Variants in MMP17 observed in about 807,000 individuals in gnomAD.
MMP17 encodes the protein matrix metalloproteinase-17.
Under a neutral mutation model 49.1 loss-of-function variants are expected in MMP17, and 54 were observed. That is an observed-to-expected ratio of 1.10 (90% CI 0.88 to 1.38). The LOEUF is 1.38. MMP17 is among the 40% of genes most tolerant of loss of function. MMP17 has a pLI of 0.00. For synonymous variants in MMP17, 397 were observed against 383.1 expected (o/e 1.04, Z -0.42); for missense variants, 837 against 853.7 (o/e 0.98, Z 0.24).
intron 1 of MMP17, 36 bp from the exon 2 acceptor site, chr12:131,838,159 T>G (rs1429292575): frequency 4.4e-6 from 7 of 1,576,032 alleles, no homozygotes; most frequent in Non-Finnish European, 2.6e-6. Context: ...GACCGGGCCC[T>G]CTGTTGCACC....
Position 131,840,633 on chromosome 12 carries a change from C to G in MMP17, c.483C>G (p.Tyr161Ter). ...ACGACACGGTGCGTGCACTCATGTACTACGCCCTCAAGGTCTGGAGCGACA... is the reference window on the plus strand; with the variant it reads ...ACGACACGGTGCGTGCACTCATGTAGTACGCCCTCAAGGTCTGGAGCGACA... The part of the protein sequence containing the change: ...LGHDTVRALM[Y>*]YALKVWSDIA... The change falls in exon 4 of 10, where the codon TAC becomes TAG. Residue 161 changes from tyrosine to a stop codon, truncating the protein, a stop_gained. Coordinates refer to ENST00000360564, the MANE Select transcript of MMP17 (RefSeq NM_016155.7). LOFTEE classifies it high-confidence loss of function. The G allele has an allele frequency of 6.2e-7, 1 of 1,609,412 alleles. No homozygotes were observed. Among genetic ancestry groups the G allele is most frequent in the Non-Finnish European group, 8.5e-7 (1 of 1,179,914 alleles).
chr12:131,842,751 T>C (rs1205845855), intron 5 of MMP17, among the ~76,000 whole-genome samples: 1 of 150,708 alleles, frequency 6.6e-6, no homozygotes, highest in African/African-American at 2.4e-5. Context: ...CCAGCCTGGG[T>C]GGCAGAGTGA....
At position 131,851,279 on chromosome 12, in the gene MMP17, C is replaced by G; in HGVS notation, c.*5C>G. On this transcript the variant is annotated 3_prime_UTR_variant, in exon 10 of 10. Transcript: ENST00000360564. ...GCCCAGGCCCTGACGCTATGACACA[C>G]AGCGCGAGCCCATGAGAGGACAGAG... 1 of 1,400,782 alleles carries G rather than the reference C, an allele frequency of 7.1e-7. No homozygotes were observed. The highest frequency in any genetic ancestry group is 9.3e-7 in the Non-Finnish European group (1 of 1,073,520). The allele number at this position is 1,400,782 out of a possible 1,614,324, so 86.8% of individuals were successfully genotyped here.
chr12:131,843,256 G>A (rs760740592), intron 5 of MMP17, among the ~76,000 whole-genome samples: 8 of 145,844 alleles, frequency 5.5e-5, no homozygotes, highest in East Asian at 4.1e-4. Context: ...GTGAGCCACC[G>A]CACCTGGCCT....
At position 131,846,589 on chromosome 12, in the gene MMP17, G is replaced by C. The variant is rs1887714359; in HGVS notation, c.1204+1140G>C. 6.6e-6 allele frequency among the ~76,000 whole-genome samples: 1 copy of C among 151,976 alleles called. No homozygotes were observed. Among genetic ancestry groups the C allele is most frequent in the African/African-American group, 2.4e-5 (1 of 41,360 alleles). ...AGGGTTTCACCACGTTGGCCAGGCT[G>C]GTCTCGAACTCCTGACTTCAGGTGA... On this transcript the variant is annotated intron_variant, in intron 8 of 9. Coordinates refer to ENST00000360564, the MANE Select transcript of MMP17 (RefSeq NM_016155.7). This position sits in a 1 kb window ranked among gnomAD's most constrained non-coding sequence, Gnocchi z 4.6.
chr12:131,838,900 G>A (rs955185276), intron 3 of MMP17, among the ~76,000 whole-genome samples, 159 bp downstream of exon 3: 1 of 150,642 alleles, frequency 6.6e-6, no homozygotes, highest in African/African-American at 2.4e-5. Context: ...CAGGGTCTCC[G>A]TGGAGGTGGG....
At chr12:131,849,313 G>A (rs996265905) in intron 8 of MMP17, among the ~76,000 whole-genome samples, 5 of 152,180 alleles carry the variant, frequency 3.3e-5, no homozygotes, top group East Asian at 1.9e-4. Context: ...GTGAAACCCC[G>A]TCTCTACTAA....
chr12:131,845,995 C>A (rs746530173), intron 8 of MMP17, among the ~76,000 whole-genome samples: 2 of 152,180 alleles, frequency 1.3e-5, no homozygotes, highest in African/African-American at 2.4e-5. Context: ...CGGTGCCCAC[C>A]GTTCCAGGAA....
At chr12:131,837,872 G>A (rs923081297) in intron 1 of MMP17, among the ~76,000 whole-genome samples, 7 of 152,074 alleles carry the variant, frequency 4.6e-5, no homozygotes, top group Non-Finnish European at 8.8e-5. Flanking sequence ...CACCACACCC[G>A]GCTAATTTTT....
rs771518121 is a variant in MMP17 at position 131,845,176 on chromosome 12, C to G, written c.1027C>G (p.Arg343Gly). The G allele has an allele frequency of 6.2e-7, 1 of 1,613,928 alleles. No individual in the cohort carries two copies. The highest frequency in any genetic ancestry group is 2.2e-5 in the East Asian group (1 of 44,870). The change falls in exon 7 of 10, where the codon CGG (arginine) becomes GGG (glycine). Residue 343 changes from arginine to glycine, a missense_variant. Physicochemically the swap from Arg to Gly is moderately radical, Grantham distance 125. Coordinates refer to ENST00000360564, the MANE Select transcript of MMP17 (RefSeq NM_016155.7). ...TCACTTTGACGCGGTGGCCCAGATC[C>G]GGGGTGAAGCTTTCTTCTTCAAAGG... The part of the protein sequence containing the change: ...STHFDAVAQI[R>G]GEAFFFKGKY...
Position 131,851,414 on chromosome 12 carries a change from G to T in MMP17, c.*140G>T. The T allele has an allele frequency of 1.4e-6, 1 of 724,566 alleles. No homozygotes were observed. Among genetic ancestry groups the T allele is most frequent in the Non-Finnish European group, 2.0e-6 (1 of 509,592 alleles). 44.9% of individuals were successfully genotyped at this position (724,566 alleles called of 1,614,324 possible). On this transcript the variant is annotated 3_prime_UTR_variant, in exon 10 of 10. Transcript: ENST00000360564. Reference sequence around the variant, plus strand: ...CCTGGCACCGGAAGGCCAGCAGAGGGCACTGTCCGCCAGGGCTGGGCAGGC... The same window carrying T: ...CCTGGCACCGGAAGGCCAGCAGAGGTCACTGTCCGCCAGGGCTGGGCAGGC...
chr12:131,832,572 C>T (rs901635614), intron 1 of MMP17, among the ~76,000 whole-genome samples: 6 of 151,964 alleles, frequency 3.9e-5, no homozygotes, highest in East Asian at 1.9e-4. Flanking sequence ...TGCAGGGCGG[C>T]GTTTCTGTCA....
chr12:131,844,925 C>CGGTGGTCGCCGTATCATTAAAAAAAAA, intron 6 of MMP17, 193 bp from the exon 7 acceptor site: 1 of 599,522 alleles, frequency 1.7e-6, no homozygotes, highest in South Asian at 1.9e-5. Flanking sequence ...GCGTAGATCT[C>CGGTGGTCGCCGTATCATTAAAAAAAAA]GGCCCCCGCC....
intron 5 of MMP17, 124 bp from the exon 6 acceptor site, chr12:131,843,873 G>T: frequency 1.5e-6 from 1 of 664,950 alleles, no homozygotes; most frequent in African/African-American, 1.8e-5. Flanking sequence ...TCGCAGCTGC[G>T]CCCCCACAGA....
chr12:131,845,373 G>T lies in MMP17; in HGVS notation c.1128G>T (p.Arg376=). The change falls in exon 8 of 10, where the codon CGG becomes CGT. Residue 376 remains arginine, a synonymous_variant. Coordinates refer to ENST00000360564, the MANE Select transcript of MMP17 (RefSeq NM_016155.7). ...LQPAQMHRFW[R]GLPLHLDSVD... ...CGGCACAGATGCACCGCTTCTGGCGGGGCCTGCCGCTGCACCTGGACAGCG... is the reference window on the plus strand; with the variant it reads ...CGGCACAGATGCACCGCTTCTGGCGTGGCCTGCCGCTGCACCTGGACAGCG... The T allele has an allele frequency of 6.3e-7, 1 of 1,597,960 alleles. No homozygotes were observed.
At position 131,837,942 on chromosome 12, in the gene MMP17, C is replaced by T. The variant is rs1265417743; in HGVS notation, c.160-253C>T. On this transcript the variant is annotated intron_variant, in intron 1 of 9. Transcript: ENST00000360564. ...AGCTAGGATGGTCTCCATCTCCTGA[C>T]CTCATGATCCGCCTGCCTCGGCCTC... The T allele has an allele frequency of 8.1e-6, 3 of 370,858 alleles. No individual in the cohort carries two copies. In the East Asian group the frequency reaches 1.3e-4, roughly 16 times the overall value. 23.0% of individuals were successfully genotyped at this position (370,858 alleles called of 1,614,324 possible).
At chr12:131,844,946 G>GATCA in intron 6 of MMP17, 172 bp from the exon 7 acceptor site, 1 of 413,436 alleles carries the variant, frequency 2.4e-6, no homozygotes, top group South Asian at 9.7e-5. Context: ...CGCTGAAGCG[G>GATCA]TGGACAGGCA....
chr12:131,835,416 A>G lies in MMP17; in HGVS notation c.160-2779A>G, dbSNP rs146882806. On this transcript the variant is annotated intron_variant, in intron 1 of 9. Transcript: ENST00000360564. ...AAACATTGGGCAACATTCCACAGCC[A>G]CTGGGAGTGCTGCCTGCCAGGCCCG... 5.3e-5 allele frequency among the ~76,000 whole-genome samples: 8 copies of G among 152,302 alleles called. No individual in the cohort carries two copies. In the East Asian group the frequency reaches 1.6e-3, roughly 30 times the overall value.
chr12:131,843,592 T>C (rs1217570724), intron 5 of MMP17, among the ~76,000 whole-genome samples: 2 of 152,172 alleles, frequency 1.3e-5, no homozygotes, highest in African/African-American at 4.8e-5. Flanking sequence ...CACCCCATGG[T>C]AGCATGGATT....
Sources: allele counts gnomAD v4.1 joint callset (sites outside exome capture counted in the v4.1 genomes callset), GRCh38; gene constraint gnomAD v4.1.1; non-coding constraint Gnocchi (gnomAD v3.1); transcripts MANE v1.5; gene names NCBI Gene and HGNC (gene_info 2026-07-23, HGNC 2026-07-21).